Variants in CHST11 observed in about 807,000 individuals in gnomAD.
CHST11 encodes C4S-1.
In CHST11, 9 loss-of-function variants were observed where a neutral mutation model predicts 30.4. The ratio of observed to expected loss-of-function variants is 0.30; its 90% CI spans 0.18 to 0.52. The LOEUF is 0.52. Ranked by LOEUF, CHST11 falls within the 20% of genes least tolerant of loss-of-function variation. The pLI, the probability that CHST11 is intolerant of heterozygous loss-of-function variation, is 0.97. For missense variants in CHST11, 348 were observed against 460.6 expected (o/e 0.76, Z 2.24); for synonymous variants, 152 against 187.8 (o/e 0.81, Z 1.56).
Position 104,757,431 on chromosome 12 carries a change from G to A in CHST11, c.687G>A (p.Leu229=). ...RQRKNATQEA[L]RKGDDVKFEE... The stretch of plus-strand genomic sequence containing the variant: ...GGAAGAACGCCACCCAGGAGGCCCT[G>A]CGCAAAGGGGACGATGTCAAATTCG... Residue 229 remains leucine (L), a synonymous_variant, in exon 3 of 3, where the codon CTG becomes CTA. Coordinates refer to ENST00000303694, the MANE Select transcript of CHST11 (RefSeq NM_018413.6). This position sits in a 1 kb window ranked among gnomAD's most constrained non-coding sequence, Gnocchi z 6.5. 1 of 1,614,098 alleles carries A rather than the reference G, an allele frequency of 6.2e-7. No individual in the cohort carries two copies. Among genetic ancestry groups the A allele is most frequent in the Non-Finnish European group, 8.5e-7 (1 of 1,180,030 alleles).
At chr12:104,522,682 A>G (rs1356230450) in intron 1 of CHST11, among the ~76,000 whole-genome samples, 2 of 150,958 alleles carry the variant, frequency 1.3e-5, no homozygotes, top group Non-Finnish European at 3.0e-5. Flanking sequence ...TGGTCTTGCT[A>G]TGTTGCTTGG....
At chr12:104,507,761 A>C (rs74388542) in intron 1 of CHST11, among the ~76,000 whole-genome samples, 12,159 of 152,084 alleles carry the variant, frequency 0.08, 908 homozygotes, top group African/African-American at 0.2. Context: ...AGCCCAGGCA[A>C]ATTCTCATGG....
chr12:104,561,759 A>G (rs1253708465), intron 1 of CHST11, among the ~76,000 whole-genome samples: 2 of 150,534 alleles, frequency 1.3e-5, no homozygotes, highest in East Asian at 2.0e-4. Flanking sequence ...AATCCTCACA[A>G]CGGTCTTACT....
intron 2 of CHST11, among the ~76,000 whole-genome samples, chr12:104,614,708 T>TGC (rs2039092873): frequency 6.6e-6 from 1 of 151,644 alleles, no homozygotes; most frequent in African/African-American, 2.4e-5. Context: ...TGTGTGTGTG[T>TGC]GTGTGTGTAG....
chr12:104,497,579 A>C (rs2135972067), intron 1 of CHST11, among the ~76,000 whole-genome samples: 1 of 152,254 alleles, frequency 6.6e-6, no homozygotes, highest in East Asian at 1.9e-4. Context: ...ACGTATTAAA[A>C]AAAAATGTTT....
chr12:104,548,810 A>G (rs1195495308), intron 1 of CHST11, among the ~76,000 whole-genome samples: 1 of 152,180 alleles, frequency 6.6e-6, no homozygotes, highest in Non-Finnish European at 1.5e-5. Context: ...GCCAAGGAGG[A>G]GGACTGTGGG....
chr12:104,633,524 C>T (rs1036673710), intron 2 of CHST11, among the ~76,000 whole-genome samples: 2 of 148,868 alleles, frequency 1.3e-5, no homozygotes, highest in Admixed American at 1.4e-4. Context: ...AGGCAATTCT[C>T]GTACCTCAGC....
At chr12:104,561,359 T>C (rs927309299) in intron 1 of CHST11, among the ~76,000 whole-genome samples, 28 of 152,216 alleles carry the variant, frequency 1.8e-4, no homozygotes, top group Non-Finnish European at 3.2e-4. Context: ...TCTTATCCCT[T>C]GCAGGGAAAG....
At chr12:104,515,819 G>A (rs1037530676) in intron 1 of CHST11, among the ~76,000 whole-genome samples, 1 of 152,202 alleles carries the variant, frequency 6.6e-6, no homozygotes, top group Non-Finnish European at 1.5e-5. Context: ...TGGGGCTGGG[G>A]CAGCGGGGAG....
chr12:104,662,921 A>G (rs1003115691), intron 2 of CHST11, among the ~76,000 whole-genome samples: 2 of 152,254 alleles, frequency 1.3e-5, no homozygotes, highest in African/African-American at 2.4e-5. Context: ...TAGTTGAAAT[A>G]GCAAAACTGG....
At chr12:104,737,279 G>A (rs1007406516) in intron 2 of CHST11, among the ~76,000 whole-genome samples, 4 of 152,242 alleles carry the variant, frequency 2.6e-5, no homozygotes, top group African/African-American at 9.6e-5. Flanking sequence ...GGTCATCGTG[G>A]GGGTGGCTGA....
intron 2 of CHST11, among the ~76,000 whole-genome samples, chr12:104,620,248 G>T (rs2039147564): frequency 6.6e-6 from 1 of 152,176 alleles, no homozygotes; most frequent in African/African-American, 2.4e-5. Flanking sequence ...GTTAATCTCA[G>T]TTCAGAATCT....
At chr12:104,590,921 TA>T (rs879619495) in intron 1 of CHST11, among the ~76,000 whole-genome samples, 269 of 143,142 alleles carry the variant, frequency 1.9e-3, no homozygotes, top group Admixed American at 2.4e-3. Context: ...GACCCTGTCT[TA>T]AAAAAAAAAA....
chr12:104,629,779 G>A (rs771035413), intron 2 of CHST11, among the ~76,000 whole-genome samples: 20 of 152,248 alleles, frequency 1.3e-4, no homozygotes, highest in East Asian at 1.9e-4. Context: ...CTGAGGTCGC[G>A]GCACTGCACT....
chr12:104,563,276 G>A (rs1328198967), intron 1 of CHST11, among the ~76,000 whole-genome samples: 1 of 152,144 alleles, frequency 6.6e-6, no homozygotes, highest in Non-Finnish European at 1.5e-5. Context: ...GACCTCAAGT[G>A]ATCCGCCTGC....
rs2039746099 is a variant in CHST11 at position 104,676,722 on chromosome 12, G to A, written c.204+74731G>A. ...CCGGCCTCCCTGCCTCCTTTCCTAA[G>A]GAAGCTGCAGCTCACTTGGGAAATC... On this transcript the variant is annotated intron_variant, in intron 2 of 2. Coordinates refer to ENST00000303694, the MANE Select transcript of CHST11 (RefSeq NM_018413.6). The surrounding 1 kb of genome is among the most constrained non-coding windows in gnomAD (Gnocchi z 4.4). Among the ~76,000 whole-genome samples the A allele has an allele frequency of 6.6e-6, 1 of 152,182 alleles. No homozygotes were observed. Among genetic ancestry groups the A allele is most frequent in the Non-Finnish European group, 1.5e-5 (1 of 68,030 alleles).
chr12:104,756,553 G>GTGTGTGTA (rs767610410), intron 2 of CHST11, among the ~76,000 whole-genome samples: 2,668 of 151,774 alleles, frequency 0.018, 42 homozygotes, highest in African/African-American at 0.031. Flanking sequence ...GTGTGTGTGT[G>GTGTGTGTA]TGTGTGTGTT....
At position 104,534,804 on chromosome 12, in the gene CHST11, G is replaced by C. The variant is rs557703468; in HGVS notation, c.119-67102G>C. ...GCTTTTGTTTTGATTATTTTCATTTGCATACTGATTTATTAAGCACCAGAA... is the reference window on the plus strand; with the variant it reads ...GCTTTTGTTTTGATTATTTTCATTTCCATACTGATTTATTAAGCACCAGAA... On this transcript the variant is annotated intron_variant, in intron 1 of 2. Coordinates refer to ENST00000303694, the MANE Select transcript of CHST11 (RefSeq NM_018413.6). Among the ~76,000 whole-genome samples, 3 of 152,302 alleles carry C rather than the reference G, an allele frequency of 2.0e-5. No homozygotes were observed. The South Asian group carries it at 6.2e-4, about 32-fold the overall frequency.
intron 2 of CHST11, among the ~76,000 whole-genome samples, chr12:104,632,543 T>G (rs2136068515): frequency 6.6e-6 from 1 of 152,320 alleles, no homozygotes; most frequent in African/African-American, 2.4e-5. Flanking sequence ...ATTCTCTAAC[T>G]GTGGAATTTC....
Sources: allele counts gnomAD v4.1 joint callset (sites outside exome capture counted in the v4.1 genomes callset), GRCh38; gene constraint gnomAD v4.1.1; non-coding constraint Gnocchi (gnomAD v3.1); transcripts MANE v1.5; gene names NCBI Gene and HGNC (gene_info 2026-07-23, HGNC 2026-07-21).